Variants in WDR70 observed in about 807,000 individuals in gnomAD.
WDR70 encodes WD repeat domain 70.
Under a neutral mutation model 88.6 loss-of-function variants are expected in WDR70, and 53 were observed. The observed-to-expected ratio is 0.60, with a 90% CI of 0.48 to 0.75. WDR70 has a LOEUF of 0.75. Ranked by LOEUF, WDR70 falls within the 30% of genes least tolerant of loss-of-function variation. WDR70 has a pLI of 0.00. For missense variants in WDR70, 610 were observed against 823.2 expected (o/e 0.74, Z 3.17); for synonymous variants, 280 against 270.0 (o/e 1.04, Z -0.36).
intron 9 of WDR70, among the ~76,000 whole-genome samples, chr5:37,576,479 T>C (rs1743058209): frequency 6.6e-6 from 1 of 152,184 alleles, no homozygotes; most frequent in Non-Finnish European, 1.5e-5. Context: ...TTGTATTTTA[T>C]TTAGCAATAC....
Position 37,678,923 on chromosome 5 carries a change from G to T in WDR70, c.1093-18732G>T, listed in dbSNP as rs1489329179. On this transcript the variant is annotated intron_variant, in intron 10 of 17. Coordinates refer to ENST00000265107, the MANE Select transcript of WDR70 (RefSeq NM_018034.4). ...TAGTCCCATATTTCTTGGAGGCTTTGTTCGTTTCTTTTTATTCTTTTTTCT... is the reference window on the plus strand; with the variant it reads ...TAGTCCCATATTTCTTGGAGGCTTTTTTCGTTTCTTTTTATTCTTTTTTCT... 4.6e-5 allele frequency among the ~76,000 whole-genome samples: 7 copies of T among 152,328 alleles called. No homozygotes were observed. The East Asian group carries it at 1.3e-3, about 29-fold the overall frequency.
At chr5:37,620,381 C>A (rs1433330443) in intron 10 of WDR70, among the ~76,000 whole-genome samples, 1 of 152,170 alleles carries the variant, frequency 6.6e-6, no homozygotes, top group Non-Finnish European at 1.5e-5. Flanking sequence ...CAAATCACTC[C>A]ATTTTTCAGG....
chr5:37,683,076 G>C (rs2112621277), intron 10 of WDR70, among the ~76,000 whole-genome samples: 1 of 152,234 alleles, frequency 6.6e-6, no homozygotes, highest in East Asian at 1.9e-4. Context: ...AAATAAACCT[G>C]TTACTGTTAT....
Position 37,523,826 on chromosome 5 carries a change from G to A in WDR70, c.917+7236G>A, listed in dbSNP as rs9688312. Among the ~76,000 whole-genome samples the A allele has an allele frequency of 7.4e-3, 1,127 of 152,292 alleles. 18 individuals are homozygous for A. Among genetic ancestry groups the A allele is most frequent in the African/African-American group, 0.025 (1,059 of 41,562 alleles). ...GAAAACCATGGCAGGAGAACTATGCGACGCATGCACAAGCTTCAATAGCTG... is the reference window on the plus strand; with the variant it reads ...GAAAACCATGGCAGGAGAACTATGCAACGCATGCACAAGCTTCAATAGCTG... On this transcript the variant is annotated intron_variant, in intron 9 of 17. Coordinates refer to ENST00000265107, the MANE Select transcript of WDR70 (RefSeq NM_018034.4).
chr5:37,741,571 C>A (rs920326123), intron 17 of WDR70, among the ~76,000 whole-genome samples: 1 of 152,124 alleles, frequency 6.6e-6, no homozygotes, highest in African/African-American at 2.4e-5. Flanking sequence ...AGATCCGTCA[C>A]ATGTGCAGTT....
At chr5:37,403,265 C>T (rs952661168) in intron 5 of WDR70, among the ~76,000 whole-genome samples, 3 of 152,132 alleles carry the variant, frequency 2.0e-5, no homozygotes, top group Non-Finnish European at 4.4e-5. Flanking sequence ...TTTCTAACCA[C>T]TCATGAATTA....
chr5:37,443,817 A>T (rs1738360265), intron 7 of WDR70, among the ~76,000 whole-genome samples: 2 of 151,908 alleles, frequency 1.3e-5, no homozygotes, highest in Admixed American at 6.6e-5. Context: ...GTGCCACTGC[A>T]CTCCAGCCCA....
intron 5 of WDR70, among the ~76,000 whole-genome samples, chr5:37,436,016 A>G (rs1185567769): frequency 1.3e-5 from 2 of 152,138 alleles, no homozygotes; most frequent in Non-Finnish European, 2.9e-5. Context: ...ACAATGTATT[A>G]TCGTAAGTTC....
chr5:37,548,358 CTT>C (rs753367184), intron 9 of WDR70, among the ~76,000 whole-genome samples: 10 of 152,152 alleles, frequency 6.6e-5, no homozygotes, highest in Non-Finnish European at 1.2e-4. Flanking sequence ...GATGATATCT[CTT>C]GTTTTTATTT....
intron 5 of WDR70, among the ~76,000 whole-genome samples, chr5:37,398,600 G>A (rs181201823): frequency 2.1e-3 from 322 of 152,236 alleles, no homozygotes; most frequent in Non-Finnish European, 3.2e-3. Flanking sequence ...ATCAAATAAA[G>A]CTTCTAATTT....
At chr5:37,738,043 AC>A (rs1247625571) in intron 17 of WDR70, among the ~76,000 whole-genome samples, 2 of 150,162 alleles carry the variant, frequency 1.3e-5, no homozygotes, top group Non-Finnish European at 1.5e-5. Context: ...AAAAAAAAAA[AC>A]AAACAAAAAA....
intron 7 of WDR70, among the ~76,000 whole-genome samples, chr5:37,457,552 T>C (rs1364661759): frequency 6.6e-6 from 1 of 152,232 alleles, no homozygotes; most frequent in Non-Finnish European, 1.5e-5. Flanking sequence ...TCAGACCAAG[T>C]AATCCACTTT....
At chr5:37,395,210 G>T (rs1748974061) in intron 4 of WDR70, among the ~76,000 whole-genome samples, 1 of 152,132 alleles carries the variant, frequency 6.6e-6, no homozygotes, top group Non-Finnish European at 1.5e-5. Context: ...GATGGTGAGG[G>T]CTATGCTTAC....
chr5:37,632,489 G>A (rs561240535), intron 10 of WDR70, among the ~76,000 whole-genome samples: 1 of 152,300 alleles, frequency 6.6e-6, no homozygotes, highest in East Asian at 1.9e-4. Context: ...AATGGTGGAA[G>A]ACACTGATAT....
chr5:37,500,992 G>A (rs933669907), intron 8 of WDR70, among the ~76,000 whole-genome samples: 2 of 152,110 alleles, frequency 1.3e-5, no homozygotes, highest in African/African-American at 2.4e-5. Flanking sequence ...GCCCGCCTTG[G>A]CCTCCCAAAG....
At chr5:37,534,372 A>G (rs1041258208) in intron 9 of WDR70, among the ~76,000 whole-genome samples, 6 of 152,202 alleles carry the variant, frequency 3.9e-5, no homozygotes, top group African/African-American at 1.4e-4. Flanking sequence ...TACTGGGTAT[A>G]AAATGTAGTT....
At chr5:37,529,558 A>G (rs576729173) in intron 9 of WDR70, among the ~76,000 whole-genome samples, 29 of 151,990 alleles carry the variant, frequency 1.9e-4, no homozygotes, top group Non-Finnish European at 8.8e-5. Flanking sequence ...GTAAATTCCT[A>G]AGTATTTATT....
chr5:37,714,444 A>G (rs1465835830), intron 13 of WDR70, among the ~76,000 whole-genome samples: 1 of 152,194 alleles, frequency 6.6e-6, no homozygotes, highest in Non-Finnish European at 1.5e-5. Flanking sequence ...AGTGCTTCCC[A>G]TGCCTTCTCA....
intron 10 of WDR70, among the ~76,000 whole-genome samples, chr5:37,672,269 G>A (rs1268856662): frequency 1.3e-5 from 2 of 152,094 alleles, no homozygotes; most frequent in African/African-American, 4.8e-5. Context: ...ATATGGCCTC[G>A]TGGGAAGGGA....
Sources: gnomAD v4.1 joint callset for allele counts (sites outside exome capture counted in the v4.1 genomes callset) on GRCh38, gnomAD v4.1.1 for gene constraint, MANE v1.5 for transcripts, NCBI Gene and HGNC (gene_info 2026-07-23, HGNC 2026-07-21) for gene names.